Variants in CFAP44 observed in about 807,000 individuals in gnomAD.
CFAP44 encodes the protein cilia and flagella associated protein 44.
CFAP44 carries 134 observed loss-of-function variants against 216.2 expected under a neutral mutation model. The observed-to-expected ratio is 0.62, with a 90% CI of 0.54 to 0.72. CFAP44 has a LOEUF of 0.72. Ranked by LOEUF, CFAP44 falls within the 30% of genes least tolerant of loss-of-function variation. CFAP44 has a pLI of 0.00. For missense variants in CFAP44, 2,035 were observed against 2,182.1 expected, an observed-to-expected ratio of 0.93 and a Z score of 1.34; for synonymous variants, 700 against 727.6, an observed-to-expected ratio of 0.96 and a Z score of 0.61.
chr3:113,426,145 G>T lies in CFAP44; in HGVS notation c.386C>A (p.Pro129Gln), dbSNP rs746993808. ...ATACACAAGTGTGAGAAGATCCAGT[G>T]GTATGTTTGAATCCAGAGTCACAAA... ...MPFVTLDSNI[P>Q]LDLLTLVHSF... Residue 129 changes from proline to glutamine, a missense_variant, in exon 4 of 35, where the codon CCA becomes CAA. Pro to Gln is a moderately conservative substitution (Grantham distance 76, BLOSUM62 -1). Around this residue, in one of 3 missense-constraint regions of CFAP44, gnomAD observed 3 missense variants for 16.6 expected, o/e 0.18. Transcript: ENST00000393845. 6.2e-7 allele frequency: 1 copy of T among 1,613,888 alleles called. No homozygotes were observed. Among genetic ancestry groups the T allele is most frequent in the Non-Finnish European group, 8.5e-7 (1 of 1,179,922 alleles).
intron 6 of CFAP44, among the ~76,000 whole-genome samples, chr3:113,415,871 A>G (rs188475758): frequency 5.3e-5 from 8 of 152,320 alleles, no homozygotes; most frequent in Non-Finnish European, 7.4e-5. Flanking sequence ...GTAGAGGTCT[A>G]TCAGGTCCAC....
chr3:113,423,029 G>C (rs1015971968), intron 4 of CFAP44, among the ~76,000 whole-genome samples: 2 of 150,622 alleles, frequency 1.3e-5, no homozygotes, highest in Non-Finnish European at 2.9e-5. Flanking sequence ...ACTGTCTTCA[G>C]CCTATTGGCT....
At chr3:113,376,236 T>C (rs1422299704) in intron 17 of CFAP44, among the ~76,000 whole-genome samples, 2 of 152,228 alleles carry the variant, frequency 1.3e-5, no homozygotes, top group East Asian at 1.9e-4. Flanking sequence ...TCTCATTTAC[T>C]GAGATGGAGA....
chr3:113,337,108 G>C (rs1950287955), intron 24 of CFAP44, among the ~76,000 whole-genome samples: 1 of 149,472 alleles, frequency 6.7e-6, no homozygotes. Context: ...GTTCAGAAAG[G>C]TCACAGGATA....
chr3:113,328,712 AAAAAAAAAAAAAAAAAC>A (rs1235440755), intron 26 of CFAP44, among the ~76,000 whole-genome samples: 3 of 146,880 alleles, frequency 2.0e-5, no homozygotes, highest in African/African-American at 7.8e-5. Context: ...AAAAAAAAAA[AAAAAAAAAAAAAAAAAC>A]AGAGAGAGAA....
chr3:113,318,856 C>T (rs1216442677), intron 28 of CFAP44, among the ~76,000 whole-genome samples: 3 of 151,968 alleles, frequency 2.0e-5, no homozygotes, highest in African/African-American at 7.3e-5. Context: ...GAAATAAAAT[C>T]CTTCTCAGTA....
Position 113,290,513 on chromosome 3 carries a change from T to C in CFAP44, c.*1044A>G, listed in dbSNP as rs1037292271. ...CTTATCCTGGAACAGCCTCAATGAG[T>C]AGCTCGTTAATACAGAGCTCTTAAT... On this transcript the variant is annotated 3_prime_UTR_variant, in exon 35 of 35. Coordinates refer to ENST00000393845, the MANE Select transcript of CFAP44 (RefSeq NM_001164496.2). 1 of 152,192 alleles carries C rather than the reference T, an allele frequency of 6.6e-6. No individual in the cohort carries two copies. Among genetic ancestry groups the C allele is most frequent in the Non-Finnish European group, 1.5e-5 (1 of 68,042 alleles). 9.4% of individuals were successfully genotyped at this position (152,192 alleles called of 1,614,324 possible).
intron 26 of CFAP44, among the ~76,000 whole-genome samples, chr3:113,328,695 TTAAAAAAAAAAAAAAAAA>T (rs1277828609): frequency 1.4e-5 from 1 of 72,346 alleles, no homozygotes; most frequent in African/African-American, 4.7e-5. Flanking sequence ...TTTAGAGAGC[TTAAAAAAAAAAAAAAAAA>T]AAAAAAAAAA....
intron 28 of CFAP44, among the ~76,000 whole-genome samples, chr3:113,310,041 G>A (rs1210776736): frequency 6.6e-6 from 1 of 152,174 alleles, no homozygotes; most frequent in Non-Finnish European, 1.5e-5. Context: ...GTTAAGTGGA[G>A]AGGCTAGACA....
intron 28 of CFAP44, among the ~76,000 whole-genome samples, chr3:113,324,653 C>T (rs1292111999): frequency 6.6e-6 from 1 of 152,072 alleles, no homozygotes; most frequent in Non-Finnish European, 1.5e-5. Flanking sequence ...TAATATTATA[C>T]TTAATATTGA....
At chr3:113,363,553 G>T (rs748657244) in intron 19 of CFAP44, 21 bp from the exon 20 acceptor site, 5 of 1,575,388 alleles carry the variant, frequency 3.2e-6, no homozygotes, top group Non-Finnish European at 4.3e-6. Context: ...GGAAGTAAAA[G>T]GTTAGCCCTT....
intron 32 of CFAP44, among the ~76,000 whole-genome samples, chr3:113,299,284 T>C (rs372444343): frequency 1.5e-4 from 23 of 152,232 alleles, no homozygotes; most frequent in African/African-American, 4.8e-4. Context: ...AAAGAAGACA[T>C]ACAAATGGCA....
chr3:113,432,036 G>C (rs1359455383), intron 2 of CFAP44: 1 of 152,106 alleles, frequency 6.6e-6, no homozygotes, highest in African/African-American at 2.4e-5. Flanking sequence ...AGAAAATTGA[G>C]GCTCAGAAAG....
At chr3:113,379,611 C>T in intron 16 of CFAP44, 60 bp from the exon 17 acceptor site, 3 of 1,307,536 alleles carry the variant, frequency 2.3e-6, no homozygotes, top group Non-Finnish European at 1.0e-6. Flanking sequence ...TTCATTTACA[C>T]CATTAGGGAT....
At chr3:113,308,665 A>G (rs964677428) in intron 28 of CFAP44, among the ~76,000 whole-genome samples, 7 of 151,692 alleles carry the variant, frequency 4.6e-5, no homozygotes, top group African/African-American at 1.7e-4. Flanking sequence ...ATCTTGGCTG[A>G]CTGCAACCTT....
chr3:113,395,757 A>T lies in CFAP44; in HGVS notation c.1883T>A (p.Met628Lys), dbSNP rs561829967. The T allele has an allele frequency of 1.9e-6, 3 of 1,609,840 alleles. No homozygotes were observed. Among genetic ancestry groups the T allele is most frequent in the Admixed American group, 1.7e-5 (1 of 59,398 alleles). The change falls in exon 15 of 35, where the codon ATG (methionine) becomes AAG (lysine). Residue 628 changes from methionine to lysine, a missense_variant. Physicochemically the swap from Met to Lys is moderately conservative, Grantham distance 95. This residue lies in a region of CFAP44 where 1,883 missense variants were observed against 2,023.7 expected (regional missense o/e 0.93). Transcript: ENST00000393845. Reference sequence around the variant, plus strand: ...CAAATAATAATGACTTACATGAGACATGGGAGACCACATTAACTGACACAC... The same window carrying T: ...CAAATAATAATGACTTACATGAGACTTGGGAGACCACATTAACTGACACAC... ...GPVCQLMWSPMSHPESTLLII... is the reference protein window; with the variant it reads ...GPVCQLMWSPKSHPESTLLII...
chr3:113,408,302 A>G (rs1277954887), intron 7 of CFAP44, among the ~76,000 whole-genome samples: 2 of 152,236 alleles, frequency 1.3e-5, no homozygotes, highest in African/African-American at 4.8e-5. Flanking sequence ...AGGGTATGAT[A>G]TAATGAAAAG....
chr3:113,375,254 G>A (rs1007517915), intron 17 of CFAP44, among the ~76,000 whole-genome samples: 12 of 152,192 alleles, frequency 7.9e-5, no homozygotes, highest in African/African-American at 2.9e-4. Context: ...TAGAACAGAT[G>A]TTGGTGATGA....
rs555953683 is a variant in CFAP44 at position 113,410,547 on chromosome 3, T to C, written c.674-1225A>G. On this transcript the variant is annotated intron_variant, in intron 6 of 34. Transcript: ENST00000393845. Reference sequence around the variant, plus strand: ...CACATTTTCTTAATCCCGTCTATCATTGATGGACATTTGGGTTGGTTCCAG... The same window carrying C: ...CACATTTTCTTAATCCCGTCTATCACTGATGGACATTTGGGTTGGTTCCAG... 3.3e-4 allele frequency among the ~76,000 whole-genome samples: 50 copies of C among 152,376 alleles called. 1 individual carries two copies. Among genetic ancestry groups the C allele is most frequent in the Admixed American group, 8.5e-4 (13 of 15,306 alleles).
Sources: gnomAD v4.1 joint callset for allele counts (sites outside exome capture counted in the v4.1 genomes callset) on GRCh38, gnomAD v4.1.1 for gene constraint, gnomAD v4.1.1 regional missense constraint, MANE v1.5 for transcripts, NCBI Gene and HGNC (gene_info 2026-07-23, HGNC 2026-07-21) for gene names.